Variants in PLXNA4 observed in about 807,000 individuals in gnomAD.
PLXNA4 encodes plexin-A4.
A neutral mutation model predicts 191.8 loss-of-function variants in PLXNA4; 44 were observed. That is an observed-to-expected ratio of 0.23 (90% confidence interval 0.18 to 0.29). PLXNA4 has a LOEUF of 0.29. PLXNA4 is among the 10% of genes least tolerant of loss of function. PLXNA4 has a pLI of 1.00. For missense variants in PLXNA4, 1,800 were observed against 2,488.8 expected (o/e 0.72, Z 5.89); for synonymous variants, 1,082 against 1,009.5 (o/e 1.07, Z -1.36).
chr7:132,249,240 G>T (rs1031545040), intron 4 of PLXNA4, among the ~76,000 whole-genome samples: 1 of 152,234 alleles, frequency 6.6e-6, no homozygotes, highest in African/African-American at 2.4e-5. Flanking sequence ...CTGCCTTAAA[G>T]AATTGGTCAC....
chr7:132,425,965 C>T (rs1450648993), intron 3 of PLXNA4, among the ~76,000 whole-genome samples: 2 of 152,186 alleles, frequency 1.3e-5, no homozygotes, highest in Admixed American at 6.5e-5. Flanking sequence ...ACTCCCTGTC[C>T]CTGAAACTGA....
chr7:132,595,995 T>C (rs1802704373), intron 2 of PLXNA4, among the ~76,000 whole-genome samples: 1 of 152,198 alleles, frequency 6.6e-6, no homozygotes, highest in East Asian at 1.9e-4. Flanking sequence ...CCCTACTCAA[T>C]TTTTCCATCA....
At chr7:132,344,318 T>G (rs1258647371) in intron 3 of PLXNA4, among the ~76,000 whole-genome samples, 1 of 152,228 alleles carries the variant, frequency 6.6e-6, no homozygotes. Flanking sequence ...TATCATTTTC[T>G]ACATGTGCTA....
At position 132,511,110 on chromosome 7, in the gene PLXNA4, T is replaced by C. The variant is rs572491942; in HGVS notation, c.-86-2331A>G. Among the ~76,000 whole-genome samples, 3 of 152,258 alleles carry C rather than the reference T, an allele frequency of 2.0e-5. No homozygotes were observed. The East Asian group carries it at 5.8e-4, about 29-fold the overall frequency. Reference sequence around the variant, plus strand: ...TCTTGCTCGTCAACACATTCACAGCTGCACATATAGAGGAGGCTCAACAAC... The same window carrying C: ...TCTTGCTCGTCAACACATTCACAGCCGCACATATAGAGGAGGCTCAACAAC... On this transcript the variant is annotated intron_variant, in intron 1 of 31. Coordinates refer to ENST00000321063, the MANE Select transcript of PLXNA4 (RefSeq NM_020911.2).
upstream of PLXNA4, chr7:132,577,072 G>T (rs985573426): frequency 2.0e-5 from 3 of 146,512 alleles, no homozygotes; most frequent in South Asian, 1.8e-4. Context: ...GGGGGGCCGC[G>T]GGAGCCGCCG....
intron 25 of PLXNA4, among the ~76,000 whole-genome samples, chr7:132,152,423 C>T (rs897925728): frequency 1.3e-5 from 2 of 152,130 alleles, no homozygotes; most frequent in African/African-American, 2.4e-5. Flanking sequence ...TCTGTGAGGG[C>T]GGTATCTAAT....
intron 21 of PLXNA4, among the ~76,000 whole-genome samples, chr7:132,171,396 C>T (rs1796281911): frequency 6.6e-6 from 1 of 152,218 alleles, no homozygotes; most frequent in Non-Finnish European, 1.5e-5. Flanking sequence ...CGTTCGTCCT[C>T]CCCATCTTTC....
In PLXNA4 at chr7:132,146,709, G is replaced by A; in HGVS notation, c.4865-9C>T. 6.2e-7 allele frequency: 1 copy of A among 1,613,748 alleles called. No individual in the cohort carries two copies. The highest frequency in any genetic ancestry group is 8.5e-7 in the Non-Finnish European group (1 of 1,179,688). On this transcript the variant is annotated splice_polypyrimidine_tract_variant and intron_variant, in intron 27 of 31. Coordinates refer to ENST00000321063, the MANE Select transcript of PLXNA4 (RefSeq NM_020911.2). ...GTACCGGATCATGTTTTCTGCCAAG[G>A]CAAGGATCACCCCCCGACATATGTG...
At chr7:132,288,219 G>A (rs559675182) in intron 4 of PLXNA4, among the ~76,000 whole-genome samples, 7 of 152,296 alleles carry the variant, frequency 4.6e-5, no homozygotes, top group African/African-American at 1.4e-4. Flanking sequence ...CAGTAGGAGC[G>A]TGTTGCGCCA....
At chr7:132,145,040 C>A (rs1330095558) in intron 29 of PLXNA4, 79 bp downstream of exon 29, 2 of 1,602,122 alleles carry the variant, frequency 1.2e-6, no homozygotes, top group Admixed American at 1.7e-5. Flanking sequence ...CTCCTGGAGG[C>A]CCAGAGTCCC....
At chr7:132,604,334 A>T (rs1802882625) in intron 2 of PLXNA4, among the ~76,000 whole-genome samples, 1 of 152,190 alleles carries the variant, frequency 6.6e-6, no homozygotes, top group African/African-American at 2.4e-5. Context: ...TAGTCTTCAG[A>T]TGAAGAGAGA....
intron 3 of PLXNA4, 94 bp downstream of exon 3, chr7:132,489,198 A>G (rs944343243): frequency 3.0e-6 from 4 of 1,346,152 alleles, no homozygotes; most frequent in Non-Finnish European, 3.1e-6. Context: ...ACCTGCCCAC[A>G]CGCCCAAGTT....
chr7:132,332,081 T>C (rs1802610207), intron 3 of PLXNA4, among the ~76,000 whole-genome samples: 1 of 152,156 alleles, frequency 6.6e-6, no homozygotes, highest in East Asian at 1.9e-4. Flanking sequence ...TCATTAACAA[T>C]AAAGTCATTG....
intron 3 of PLXNA4, among the ~76,000 whole-genome samples, chr7:132,387,439 A>AG (rs1805198608): frequency 6.6e-6 from 1 of 152,220 alleles, no homozygotes; most frequent in South Asian, 2.1e-4. Context: ...TGGAGAGCAG[A>AG]GGGGGATGTA....
chr7:132,187,750 C>T (rs2116778341), intron 14 of PLXNA4, 143 bp from the exon 15 acceptor site: 13 of 1,418,834 alleles, frequency 9.2e-6, no homozygotes, highest in Non-Finnish European at 1.2e-5. Context: ...CAGGGCAGTT[C>T]TCTTAGGCTT....
intron 3 of PLXNA4, among the ~76,000 whole-genome samples, chr7:132,423,866 C>T (rs958074048): frequency 6.6e-6 from 1 of 152,208 alleles, no homozygotes; most frequent in Admixed American, 6.5e-5. Flanking sequence ...GGCCACACTA[C>T]AGCCACCACC....
intron 4 of PLXNA4, among the ~76,000 whole-genome samples, chr7:132,252,313 T>G (rs531810106): frequency 0.012 from 1,426 of 119,786 alleles, 27 homozygotes; most frequent in African/African-American, 0.047. Context: ...TTTTTTTTTT[T>G]TTTTTTTTTT....
chr7:132,341,865 T>C (rs1029505091), intron 3 of PLXNA4, among the ~76,000 whole-genome samples: 1 of 152,204 alleles, frequency 6.6e-6, no homozygotes, highest in Non-Finnish European at 1.5e-5. Context: ...ATAGATTTCA[T>C]ATGCAAGAGG....
At chr7:132,639,049 G>A (rs1803664692) in intron 2 of PLXNA4, among the ~76,000 whole-genome samples, 1 of 152,164 alleles carries the variant, frequency 6.6e-6, no homozygotes, top group Non-Finnish European at 1.5e-5. Flanking sequence ...GCATCCCAGA[G>A]CAGCAACTCT....
Sources: gnomAD v4.1 joint callset for allele counts (sites outside exome capture counted in the v4.1 genomes callset) on GRCh38, gnomAD v4.1.1 for gene constraint, MANE v1.5 for transcripts, NCBI Gene and HGNC (gene_info 2026-07-23, HGNC 2026-07-21) for gene names.